Variants in ZNF521 observed in about 807,000 individuals in gnomAD.
The protein encoded by ZNF521 is LYST-interacting protein 3.
A neutral mutation model predicts 105.5 loss-of-function variants in ZNF521; 14 were observed. The observed-to-expected ratio is 0.13, with a 90% CI of 0.09 to 0.21. The LOEUF (loss-of-function observed/expected upper bound fraction) is 0.21. Ranked by LOEUF, ZNF521 falls within the 10% of genes least tolerant of loss-of-function variation. The pLI is 1.00. For missense variants in ZNF521, 1,233 were observed against 1,629.7 expected, an observed-to-expected ratio of 0.76 and a Z score of 4.19; for synonymous variants, 635 against 606.0, an observed-to-expected ratio of 1.05 and a Z score of -0.70.
intron 3 of ZNF521, among the ~76,000 whole-genome samples, chr18:25,261,101 A>G (rs916737574): frequency 1.3e-5 from 2 of 152,156 alleles, no homozygotes; most frequent in East Asian, 3.9e-4. Flanking sequence ...GGAGGGTCTG[A>G]GAGGCAATTT....
chr18:25,224,314 T>C, intron 4 of ZNF521, 31 bp downstream of exon 4: 1 of 1,575,856 alleles, frequency 6.3e-7, no homozygotes, highest in African/African-American at 1.4e-5. Flanking sequence ...TTGAGGAGGT[T>C]AAATAGCAAA....
intron 5 of ZNF521, among the ~76,000 whole-genome samples, chr18:25,102,561 C>G (rs912992834): frequency 6.6e-6 from 1 of 151,946 alleles, no homozygotes; most frequent in African/African-American, 2.4e-5. Flanking sequence ...GGTCTTTGCT[C>G]TGTTGCCCAG....
chr18:25,196,349 A>G (rs1351538934), intron 4 of ZNF521, among the ~76,000 whole-genome samples: 1 of 151,668 alleles, frequency 6.6e-6, no homozygotes, highest in Admixed American at 6.6e-5. Flanking sequence ...GATGGTATTA[A>G]TAAGGAAATA....
chr18:25,094,612 CTTTTAT>C (rs1232974259), intron 5 of ZNF521, among the ~76,000 whole-genome samples: 1 of 152,022 alleles, frequency 6.6e-6, no homozygotes, highest in Non-Finnish European at 1.5e-5. Flanking sequence ...TTCTACCTGC[CTTTTAT>C]TTTTAAGTTA....
chr18:25,087,339 T>C (rs1264155762), intron 7 of ZNF521, among the ~76,000 whole-genome samples: 1 of 152,208 alleles, frequency 6.6e-6, no homozygotes, highest in Admixed American at 6.5e-5. Flanking sequence ...ATGTGATTAA[T>C]TGCTTAATTT....
intron 5 of ZNF521, among the ~76,000 whole-genome samples, chr18:25,142,041 G>C (rs759859790): frequency 1.6e-4 from 24 of 152,088 alleles, no homozygotes; most frequent in Non-Finnish European, 2.6e-4. Flanking sequence ...TGTAGCTTAA[G>C]ACACTAAATG....
chr18:25,347,958 T>C (rs921840414), intron 2 of ZNF521, among the ~76,000 whole-genome samples: 3 of 152,242 alleles, frequency 2.0e-5, no homozygotes, highest in African/African-American at 7.2e-5. Context: ...ATGTTTTATT[T>C]AGAAGGGCCT....
chr18:25,122,710 C>A (rs4617946), intron 5 of ZNF521, among the ~76,000 whole-genome samples: 144,912 of 152,226 alleles, frequency 0.95, 69,093 homozygotes, highest in Middle Eastern at 0.99. Context: ...GATTGGAATG[C>A]AGGTAGCTTG....
chr18:25,113,017 C>CTTTT (rs35844239), intron 5 of ZNF521, among the ~76,000 whole-genome samples: 1 of 147,762 alleles, frequency 6.8e-6, no homozygotes, highest in Non-Finnish European at 1.5e-5. Flanking sequence ...TGTGTCTAAC[C>CTTTT]TTTTTTTTTT....
intron 4 of ZNF521, among the ~76,000 whole-genome samples, chr18:25,204,258 GCTA>G (rs1251710209): frequency 1.3e-5 from 2 of 152,004 alleles, no homozygotes; most frequent in Non-Finnish European, 1.5e-5. Flanking sequence ...ATAAATTTAA[GCTA>G]CTACTACATT....
chr18:25,263,384 T>A (rs145341741), intron 3 of ZNF521, among the ~76,000 whole-genome samples: 1 of 151,518 alleles, frequency 6.6e-6, no homozygotes, highest in African/African-American at 2.4e-5. Context: ...TGAGACAGAG[T>A]TTCACTCTTG....
chr18:25,306,580 C>A (rs1911991523), intron 3 of ZNF521, among the ~76,000 whole-genome samples: 1 of 152,058 alleles, frequency 6.6e-6, no homozygotes, highest in African/African-American at 2.4e-5. Flanking sequence ...GTCAAAATGC[C>A]TCATATTGAA....
chr18:25,151,798 A>C (rs1317042107), intron 5 of ZNF521, among the ~76,000 whole-genome samples: 1 of 152,200 alleles, frequency 6.6e-6, no homozygotes, highest in East Asian at 1.9e-4. Flanking sequence ...TAAATACTAG[A>C]AAAGCCCCCC....
intron 3 of ZNF521, among the ~76,000 whole-genome samples, chr18:25,294,673 G>C (rs996503247): frequency 1.3e-5 from 2 of 151,784 alleles, no homozygotes; most frequent in Non-Finnish European, 2.9e-5. Flanking sequence ...TGGCCAACAT[G>C]GTGAAACTCC....
intron 5 of ZNF521, among the ~76,000 whole-genome samples, chr18:25,123,294 C>A (rs73400840): frequency 6.6e-6 from 1 of 151,864 alleles, no homozygotes; most frequent in African/African-American, 2.4e-5. Flanking sequence ...TCCATAGTCA[C>A]AATGGCATTA....
intron 3 of ZNF521, among the ~76,000 whole-genome samples, chr18:25,285,579 C>T (rs1345203987): frequency 6.6e-6 from 1 of 152,198 alleles, no homozygotes; most frequent in African/African-American, 2.4e-5. Flanking sequence ...AAAACAGACA[C>T]TTTCCAACAA....
intron 5 of ZNF521, among the ~76,000 whole-genome samples, chr18:25,184,476 T>G (rs1225226469): frequency 6.6e-6 from 1 of 152,196 alleles, no homozygotes; most frequent in Non-Finnish European, 1.5e-5. Context: ...TGTCTTGTGG[T>G]GACTTACTAA....
chr18:25,332,469 T>G (rs1490478972), intron 2 of ZNF521, among the ~76,000 whole-genome samples: 1 of 152,022 alleles, frequency 6.6e-6, no homozygotes, highest in African/African-American at 2.4e-5. Context: ...CTAATAAATT[T>G]TAAAATACAT....
chr18:25,151,672 T>C (rs1346359420), intron 5 of ZNF521, among the ~76,000 whole-genome samples: 1 of 152,042 alleles, frequency 6.6e-6, no homozygotes, highest in Non-Finnish European at 1.5e-5. Context: ...CGCTTAGCAG[T>C]AGGGTAGGAA....
Sources: gnomAD v4.1 joint callset for allele counts (sites outside exome capture counted in the v4.1 genomes callset) on GRCh38, gnomAD v4.1.1 for gene constraint, MANE v1.5 for transcripts, NCBI Gene and HGNC (gene_info 2026-07-23, HGNC 2026-07-21) for gene names.